ADK: variants seen among roughly 807,000 people sequenced by gnomAD.
ADK encodes the protein adenosine kinase.
In ADK, 24 loss-of-function variants were observed where a neutral mutation model predicts 44.7. The observed-to-expected ratio is 0.54, with a 90% CI of 0.39 to 0.76. The LOEUF (loss-of-function observed/expected upper bound fraction) is 0.76, where lower values mean the gene tolerates loss of function less well. Ranked by LOEUF, ADK falls within the 30% of genes least tolerant of loss-of-function variation. The pLI, the probability that ADK is intolerant of heterozygous loss-of-function variation, is 0.00. For missense variants in ADK, 321 were observed against 425.1 expected (o/e 0.76, Z 2.15); for synonymous variants, 128 against 142.6 (o/e 0.90, Z 0.73).
intron 7 of ADK, among the ~76,000 whole-genome samples, chr10:74,535,637 C>CA (rs1435854114): frequency 1.4e-5 from 2 of 143,222 alleles, no homozygotes; most frequent in Non-Finnish European, 3.0e-5. Flanking sequence ...GGCTGGAGTG[C>CA]AGTGGCACCA....
At chr10:74,287,547 A>C (rs1847221623) in intron 3 of ADK, among the ~76,000 whole-genome samples, 1 of 152,164 alleles carries the variant, frequency 6.6e-6, no homozygotes, top group African/African-American at 2.4e-5. Context: ...CAGAAAAACA[A>C]GTCATAAAGG....
chr10:74,422,913 G>A (rs994002385), intron 6 of ADK, among the ~76,000 whole-genome samples: 2 of 152,192 alleles, frequency 1.3e-5, no homozygotes, highest in African/African-American at 4.8e-5. Context: ...CCAGCTGGGA[G>A]TTAGGAGTGG....
At chr10:74,570,373 C>A (rs1280937716) in intron 7 of ADK, among the ~76,000 whole-genome samples, 1 of 152,144 alleles carries the variant, frequency 6.6e-6, no homozygotes, top group South Asian at 2.1e-4. Flanking sequence ...GCAATATGGC[C>A]ATTTTCACAA....
intron 3 of ADK, among the ~76,000 whole-genome samples, chr10:74,313,518 G>C (rs1840518839): frequency 6.6e-6 from 1 of 151,972 alleles, no homozygotes; most frequent in Non-Finnish European, 1.5e-5. Flanking sequence ...GGTATTCTTT[G>C]AGAAGTTAAG....
chr10:74,378,491 A>T (rs1300081212), intron 4 of ADK, among the ~76,000 whole-genome samples: 1 of 152,170 alleles, frequency 6.6e-6, no homozygotes, highest in African/African-American at 2.4e-5. Context: ...TTTTAGTAGT[A>T]TGTTTTGAAT....
chr10:74,701,726 C>T (rs1359222329), intron 10 of ADK, among the ~76,000 whole-genome samples: 1 of 152,172 alleles, frequency 6.6e-6, no homozygotes, highest in African/African-American at 2.4e-5. Flanking sequence ...GGGCGGATCA[C>T]CTTAGGTTGG....
chr10:74,304,803 A>AT (rs905099245), intron 3 of ADK, among the ~76,000 whole-genome samples: 6 of 151,548 alleles, frequency 4.0e-5, no homozygotes, highest in African/African-American at 1.2e-4. Flanking sequence ...TCATTCATCA[A>AT]TTTTTTTTTC....
chr10:74,563,726 A>G (rs1042143725), intron 7 of ADK, among the ~76,000 whole-genome samples: 2 of 152,228 alleles, frequency 1.3e-5, no homozygotes, highest in African/African-American at 4.8e-5. Context: ...GCAAAGTAAC[A>G]TGAATACCAT....
At chr10:74,251,303 A>G (rs1845642360) in intron 3 of ADK, among the ~76,000 whole-genome samples, 2 of 152,140 alleles carry the variant, frequency 1.3e-5, no homozygotes, top group South Asian at 2.1e-4. Context: ...GAGTAGGGGG[A>G]AGAGATAGCT....
At chr10:74,597,187 T>G (rs1275628328) in intron 8 of ADK, among the ~76,000 whole-genome samples, 1 of 152,242 alleles carries the variant, frequency 6.6e-6, no homozygotes, top group Non-Finnish European at 1.5e-5. Flanking sequence ...TCTTAGCATG[T>G]GCTAAAATTG....
chr10:74,628,054 G>A (rs1853278860), intron 9 of ADK, among the ~76,000 whole-genome samples: 1 of 152,144 alleles, frequency 6.6e-6, no homozygotes, highest in African/African-American at 2.4e-5. Flanking sequence ...TTTGACAGGT[G>A]ATATTAAGAA....
intron 7 of ADK, among the ~76,000 whole-genome samples, chr10:74,558,251 G>A (rs1850335179): frequency 6.6e-6 from 1 of 152,284 alleles, no homozygotes; most frequent in South Asian, 2.1e-4. Flanking sequence ...AGGCTGGAGT[G>A]CAGTGGCACG....
intron 3 of ADK, among the ~76,000 whole-genome samples, chr10:74,227,146 A>G (rs1299051009): frequency 6.6e-6 from 1 of 152,224 alleles, no homozygotes. Context: ...ATTAAAAACA[A>G]AAAAATCTTT....
intron 6 of ADK, among the ~76,000 whole-genome samples, chr10:74,437,449 T>C (rs577995331): frequency 6.6e-6 from 1 of 152,342 alleles, no homozygotes; most frequent in South Asian, 2.1e-4. Context: ...TTATGTTTAA[T>C]ACATCTCTGT....
intron 7 of ADK, among the ~76,000 whole-genome samples, chr10:74,544,567 G>C (rs1388739629): frequency 6.6e-6 from 1 of 152,126 alleles, no homozygotes; most frequent in African/African-American, 2.4e-5. Context: ...GATAAAATTT[G>C]AAATAATAAG....
chr10:74,567,880 T>A (rs1195742165), intron 7 of ADK, among the ~76,000 whole-genome samples: 1 of 152,002 alleles, frequency 6.6e-6, no homozygotes, highest in Non-Finnish European at 1.5e-5. Context: ...TTTGTATTTT[T>A]AGTAGAGGCA....
At chr10:74,234,888 G>A (rs1434540878) in intron 3 of ADK, among the ~76,000 whole-genome samples, 1 of 152,040 alleles carries the variant, frequency 6.6e-6, no homozygotes, top group East Asian at 1.9e-4. Context: ...TTGCAAGTGG[G>A]TTTTTAAAAG....
intron 1 of ADK, among the ~76,000 whole-genome samples, chr10:74,154,804 CCA>C (rs1335556380): frequency 6.6e-6 from 1 of 152,188 alleles, no homozygotes; most frequent in South Asian, 2.1e-4. Context: ...ATTCCTGCTG[CCA>C]CACCTTACGT....
At chr10:74,350,849 A>G (rs944288410) in intron 4 of ADK, among the ~76,000 whole-genome samples, 2 of 152,158 alleles carry the variant, frequency 1.3e-5, no homozygotes, top group African/African-American at 4.8e-5. Flanking sequence ...ACATTCCTGG[A>G]CACATACACC....
Sources: allele counts gnomAD v4.1 joint callset (sites outside exome capture counted in the v4.1 genomes callset), GRCh38; gene constraint gnomAD v4.1.1; transcripts MANE v1.5; gene names NCBI Gene and HGNC (gene_info 2026-07-23, HGNC 2026-07-21).